Variants in PGM5 observed in about 807,000 individuals in gnomAD.
PGM5 encodes phosphoglucomutase 5, also known as phosphoglucomutase-like protein 5.
PGM5 carries 23 observed loss-of-function variants against 59.2 expected under a neutral mutation model. The ratio of observed to expected loss-of-function variants is 0.39; its 90% CI spans 0.28 to 0.55. The LOEUF is 0.55. Among genes scored for constraint, PGM5 ranks in the 20% least tolerant of loss-of-function variants. The probability of loss-of-function intolerance (pLI) is 0.66; values close to 1 mark genes in which losing one functional copy is unlikely to be tolerated. For synonymous variants in PGM5, 214 were observed against 286.0 expected, an observed-to-expected ratio of 0.75 and a Z score of 2.54; for missense variants, 574 against 748.3, an observed-to-expected ratio of 0.77 and a Z score of 2.72.
intron 10 of PGM5, among the ~76,000 whole-genome samples, chr9:68,524,452 A>G (rs1193494040): frequency 6.6e-6 from 1 of 152,196 alleles, no homozygotes; most frequent in Non-Finnish European, 1.5e-5. Flanking sequence ...TGTTGACTGT[A>G]GAAGAAATAT....
intron 7 of PGM5, among the ~76,000 whole-genome samples, chr9:68,478,128 C>G (rs1554686821): frequency 2.0e-5 from 3 of 152,192 alleles, no homozygotes; most frequent in African/African-American, 7.2e-5. Context: ...ACATACAGGG[C>G]TTTATTCACT....
intron 4 of PGM5, among the ~76,000 whole-genome samples, chr9:68,388,024 C>T (rs1234636754): frequency 6.7e-6 from 1 of 150,308 alleles, no homozygotes; most frequent in Non-Finnish European, 1.5e-5. Flanking sequence ...TATGAATATA[C>T]AGACCCTTGT....
At chr9:68,389,426 C>T (rs545662239) in intron 4 of PGM5, among the ~76,000 whole-genome samples, 1 of 152,066 alleles carries the variant, frequency 6.6e-6, no homozygotes. Flanking sequence ...CAGCCCCTGG[C>T]AACCACTCAT....
chr9:68,362,732 G>A (rs1476672490), intron 1 of PGM5, among the ~76,000 whole-genome samples: 15 of 151,968 alleles, frequency 9.9e-5, no homozygotes, highest in Middle Eastern at 3.4e-3. Context: ...GTCCTTTTCT[G>A]GGTGGGTACA....
chr9:68,402,083 C>T (rs147976806), intron 6 of PGM5, among the ~76,000 whole-genome samples: 550 of 152,082 alleles, frequency 3.6e-3, no homozygotes, highest in Middle Eastern at 0.024. Context: ...GCTAACATGG[C>T]GAAGCCCCTG....
At chr9:68,501,588 T>A (rs1824573863) in intron 10 of PGM5, among the ~76,000 whole-genome samples, 1 of 152,246 alleles carries the variant, frequency 6.6e-6, no homozygotes, top group African/African-American at 2.4e-5. Flanking sequence ...GTGTTATTCC[T>A]GATCAGGGCC....
At chr9:68,522,549 T>C (rs551689514) in intron 10 of PGM5, among the ~76,000 whole-genome samples, 2 of 152,210 alleles carry the variant, frequency 1.3e-5, no homozygotes, top group Non-Finnish European at 2.9e-5. Flanking sequence ...ATGTTACATT[T>C]CATATTTTGG....
chr9:68,456,991 A>G (rs1400442301), intron 6 of PGM5, among the ~76,000 whole-genome samples: 1 of 151,660 alleles, frequency 6.6e-6, no homozygotes, highest in African/African-American at 2.4e-5. Context: ...TTTAATTTTC[A>G]TTTCCCTGAT....
chr9:68,401,317 G>A (rs1391117189), intron 6 of PGM5, among the ~76,000 whole-genome samples: 3 of 150,226 alleles, frequency 2.0e-5, no homozygotes, highest in Admixed American at 6.6e-5. Flanking sequence ...ATATATAGTC[G>A]TCATCACTCT....
chr9:68,432,443 G>A (rs1358005821), intron 6 of PGM5, among the ~76,000 whole-genome samples: 2 of 151,624 alleles, frequency 1.3e-5, no homozygotes, highest in Non-Finnish European at 2.9e-5. Flanking sequence ...TCAAGTGATC[G>A]GCCCACCTCA....
At chr9:68,361,974 G>A (rs1386935449) in intron 1 of PGM5, among the ~76,000 whole-genome samples, 1 of 151,782 alleles carries the variant, frequency 6.6e-6, no homozygotes, top group African/African-American at 2.4e-5. Context: ...AGTCTGTGAC[G>A]TGAACTTTGT....
At chr9:68,522,114 G>A (rs1824907509) in intron 10 of PGM5, among the ~76,000 whole-genome samples, 1 of 152,166 alleles carries the variant, frequency 6.6e-6, no homozygotes, top group African/African-American at 2.4e-5. Context: ...AATTAGGTGG[G>A]TGTGGTGGTG....
intron 5 of PGM5, among the ~76,000 whole-genome samples, chr9:68,391,960 A>G (rs1822376308): frequency 6.6e-6 from 1 of 152,160 alleles, no homozygotes; most frequent in Non-Finnish European, 1.5e-5. Context: ...AAAAATATAT[A>G]TTATTCCATA....
intron 6 of PGM5, among the ~76,000 whole-genome samples, chr9:68,442,426 C>A (rs1823544738): frequency 6.6e-6 from 1 of 152,122 alleles, no homozygotes; most frequent in Admixed American, 6.5e-5. Context: ...CCATGCCCAG[C>A]TAATTTTTGT....
rs1821978758 is a variant in PGM5 at position 68,378,347 on chromosome 9, A to G, written c.410A>G (p.Asn137Ser). 1 of 1,587,586 alleles carries G rather than the reference A, an allele frequency of 6.3e-7. No individual in the cohort carries two copies. The highest frequency in any genetic ancestry group is 1.9e-5 in the Admixed American group (1 of 53,116). The change falls in exon 2 of 11, where the codon AAT (asparagine) becomes AGT (serine). Residue 137 changes from asparagine to serine, a missense_variant. Asn to Ser is a conservative substitution (Grantham distance 46). This residue lies in a region of PGM5 where 61 missense variants were observed against 133.3 expected (regional missense o/e 0.46). Transcript: ENST00000396396. ...GGGGGAGAGTTTGGAGTGAAGTTTA[A>G]TGTTGCCAATGGAGGTATGTGGTTC... The part of the protein sequence containing the change: ...GPGGEFGVKF[N>S]VANGGPAPDV...
intron 1 of PGM5, among the ~76,000 whole-genome samples, chr9:68,376,341 A>T (rs1554677636): frequency 6.6e-6 from 1 of 152,030 alleles, no homozygotes; most frequent in Admixed American, 6.5e-5. Context: ...TTCCTTCCTA[A>T]TATGTACCTC....
chr9:68,484,098 C>G, intron 9 of PGM5, 50 bp downstream of exon 9: 1 of 1,517,966 alleles, frequency 6.6e-7, no homozygotes, highest in Non-Finnish European at 9.1e-7. Flanking sequence ...AACCAGTGGC[C>G]AAAATGTCCT....
At chr9:68,357,574 C>G in intron 1 of PGM5, 186 bp downstream of exon 1, 1 of 896,020 alleles carries the variant, frequency 1.1e-6, no homozygotes, top group Non-Finnish European at 1.6e-6. Flanking sequence ...CCCGGTGCAC[C>G]CCGGACACTG....
chr9:68,424,131 T>C (rs1336642068), intron 6 of PGM5, among the ~76,000 whole-genome samples: 1 of 152,192 alleles, frequency 6.6e-6, no homozygotes, highest in Non-Finnish European at 1.5e-5. Flanking sequence ...CTGGAAAAGT[T>C]TCCTATGAAG....
Sources: allele counts gnomAD v4.1 joint callset (sites outside exome capture counted in the v4.1 genomes callset), GRCh38; gene constraint gnomAD v4.1.1; regional missense constraint gnomAD v4.1.1; transcripts MANE v1.5; gene names NCBI Gene and HGNC (gene_info 2026-07-23, HGNC 2026-07-21).